SORCS2: variants seen among roughly 807,000 people sequenced by gnomAD.
SORCS2 encodes VPS10 domain-containing receptor SorCS2.
Under a neutral mutation model 141.6 loss-of-function variants are expected in SORCS2, and 100 were observed. That is an observed-to-expected ratio of 0.71 (90% CI 0.60 to 0.83). The LOEUF is 0.83. Ranked by LOEUF, SORCS2 falls within the 40% of genes least tolerant of loss-of-function variation. The pLI, the probability that SORCS2 is intolerant of heterozygous loss-of-function variation, is 0.00. For synonymous variants in SORCS2, 789 were observed against 676.9 expected, an observed-to-expected ratio of 1.17 and a Z score of -2.57; for missense variants, 1,646 against 1,560.2, an observed-to-expected ratio of 1.05 and a Z score of -0.93.
At chr4:7,521,651 A>G (rs1733337788) in intron 2 of SORCS2, among the ~76,000 whole-genome samples, 1 of 152,170 alleles carries the variant, frequency 6.6e-6, no homozygotes, top group Non-Finnish European at 1.5e-5. Context: ...CGAAGCTCAG[A>G]ATGAATTCCC....
intron 1 of SORCS2, among the ~76,000 whole-genome samples, chr4:7,370,720 C>T (rs1182942260): frequency 2.6e-5 from 4 of 152,204 alleles, no homozygotes; most frequent in African/African-American, 9.7e-5. Flanking sequence ...CTGACAATGC[C>T]CTCCTGTGCC....
chr4:7,685,956 C>T (rs1479906673), intron 10 of SORCS2, among the ~76,000 whole-genome samples: 1 of 152,162 alleles, frequency 6.6e-6, no homozygotes, highest in East Asian at 1.9e-4. Flanking sequence ...AAGGTATCAC[C>T]AGAATCACAC....
intron 10 of SORCS2, among the ~76,000 whole-genome samples, chr4:7,687,736 TC>T (rs1439100965): frequency 1.3e-5 from 2 of 152,202 alleles, no homozygotes; most frequent in Non-Finnish European, 2.9e-5. Flanking sequence ...AGATGTCACA[TC>T]CTGCACAGTT....
intron 2 of SORCS2, among the ~76,000 whole-genome samples, chr4:7,469,598 A>T (rs1729847384): frequency 6.6e-6 from 1 of 152,146 alleles, no homozygotes; most frequent in Non-Finnish European, 1.5e-5. Context: ...GAGGCTTCCA[A>T]GTCTCTTGCC....
chr4:7,528,421 T>G (rs1333667126), intron 2 of SORCS2, among the ~76,000 whole-genome samples: 2 of 151,506 alleles, frequency 1.3e-5, no homozygotes, highest in African/African-American at 4.8e-5. Context: ...TTTGTTGTTG[T>G]TTTTTGTTTG....
chr4:7,508,133 G>T (rs890690449), intron 2 of SORCS2, among the ~76,000 whole-genome samples: 1 of 151,694 alleles, frequency 6.6e-6, no homozygotes, highest in African/African-American at 2.4e-5. Flanking sequence ...CCTGGGAGTG[G>T]GTGGGAGAAG....
At chr4:7,546,862 A>C (rs143431918) in intron 3 of SORCS2, among the ~76,000 whole-genome samples, 3 of 152,278 alleles carry the variant, frequency 2.0e-5, no homozygotes, top group Admixed American at 6.5e-5. Flanking sequence ...AAAACTGACA[A>C]ATCACTTTCT....
chr4:7,495,708 G>A (rs754993700), intron 2 of SORCS2, among the ~76,000 whole-genome samples: 3 of 152,180 alleles, frequency 2.0e-5, no homozygotes, highest in Non-Finnish European at 4.4e-5. Flanking sequence ...AGAAGGGAGC[G>A]GCCTCTCGTC....
At chr4:7,570,434 C>T (rs1284710678) in intron 3 of SORCS2, among the ~76,000 whole-genome samples, 4 of 152,242 alleles carry the variant, frequency 2.6e-5, no homozygotes, top group East Asian at 1.9e-4. Flanking sequence ...ACTGAGGGTT[C>T]GCTGGGTGCT....
intron 1 of SORCS2, among the ~76,000 whole-genome samples, chr4:7,247,763 A>T (rs1383187423): frequency 6.6e-6 from 1 of 152,184 alleles, no homozygotes; most frequent in African/African-American, 2.4e-5. Context: ...CCAGCTCCTC[A>T]TCTTTGAACT....
intron 1 of SORCS2, chr4:7,382,011 A>G: frequency 2.0e-6 from 2 of 983,790 alleles, no homozygotes; most frequent in Non-Finnish European, 2.4e-6. Context: ...GACCAGGGAC[A>G]CAAGGAAGGA....
chr4:7,654,899 C>G (rs1487486831), intron 5 of SORCS2, among the ~76,000 whole-genome samples: 1 of 152,322 alleles, frequency 6.6e-6, no homozygotes, highest in African/African-American at 2.4e-5. Context: ...GTACCAGCCA[C>G]TCGAGTGCAT....
chr4:7,324,463 C>T (rs936712283), intron 1 of SORCS2, among the ~76,000 whole-genome samples: 3 of 152,228 alleles, frequency 2.0e-5, no homozygotes, highest in Non-Finnish European at 4.4e-5. Context: ...TCACCATCTC[C>T]GCCCAGCCCA....
chr4:7,419,208 A>T (rs992635450), intron 2 of SORCS2, among the ~76,000 whole-genome samples: 1 of 152,188 alleles, frequency 6.6e-6, no homozygotes, highest in Non-Finnish European at 1.5e-5. Flanking sequence ...TTTGGAGAAG[A>T]GAAGGTATGA....
chr4:7,458,029 A>C (rs1729032637), intron 2 of SORCS2, among the ~76,000 whole-genome samples: 1 of 152,216 alleles, frequency 6.6e-6, no homozygotes, highest in Admixed American at 6.5e-5. Context: ...GGTTACCCCA[A>C]AACAAAACTG....
At chr4:7,424,053 C>T (rs1053021776) in intron 2 of SORCS2, among the ~76,000 whole-genome samples, 1 of 152,196 alleles carries the variant, frequency 6.6e-6, no homozygotes, top group Non-Finnish European at 1.5e-5. Context: ...GAGGATGCTG[C>T]TTACCCAGCG....
rs11299698 is a variant in SORCS2, at chr4:7,392,898, CGGGG to C, written c.481-3380_481-3377del. 8.5e-4 allele frequency among the ~76,000 whole-genome samples: 117 copies of C among 137,758 alleles called. 1 individual carries two copies. Among genetic ancestry groups the C allele is most frequent in the African/African-American group, 2.0e-3 (79 of 38,558 alleles). 90.4% of individuals were successfully genotyped at this position (137,758 alleles called of 152,430 possible). On this transcript the variant is annotated intron_variant, in intron 1 of 26. Coordinates refer to ENST00000507866, the MANE Select transcript of SORCS2 (RefSeq NM_020777.3). ...AACAGTAATATGGGCCCCTCCCAGT[CGGGG>C]GGGGGGGGGTGCTGCGAGAGAGTGG...
At chr4:7,228,174 G>A (rs1355362217) in intron 1 of SORCS2, among the ~76,000 whole-genome samples, 1 of 152,164 alleles carries the variant, frequency 6.6e-6, no homozygotes, top group African/African-American at 2.4e-5. Flanking sequence ...TCCTTGGCTC[G>A]CAGATGCTGT....
At chr4:7,227,509 G>T (rs991227727) in intron 1 of SORCS2, among the ~76,000 whole-genome samples, 1 of 152,174 alleles carries the variant, frequency 6.6e-6, no homozygotes, top group African/African-American at 2.4e-5. Flanking sequence ...GCTCTTCTGG[G>T]GCCTTGTGGG....
Sources: allele counts gnomAD v4.1 joint callset (sites outside exome capture counted in the v4.1 genomes callset), GRCh38; gene constraint gnomAD v4.1.1; transcripts MANE v1.5; gene names NCBI Gene and HGNC (gene_info 2026-07-23, HGNC 2026-07-21).